FHIT: variants seen among roughly 807,000 people sequenced by gnomAD.
The protein encoded by FHIT is fragile histidine triad diadenosine triphosphatase.
FHIT carries 19 observed loss-of-function variants against 17.9 expected under a neutral mutation model. That is an observed-to-expected ratio of 1.06 (90% CI 0.74 to 1.56). FHIT has a LOEUF of 1.56. FHIT is among the 40% of genes most tolerant of loss of function. FHIT has a pLI of 0.00. For missense variants in FHIT, 248 were observed against 189.2 expected (o/e 1.31, Z -1.82); for synonymous variants, 81 against 69.7 (o/e 1.16, Z -0.81).
intron 3 of FHIT, among the ~76,000 whole-genome samples, chr3:61,035,270 A>G (rs896662261): frequency 1.1e-4 from 16 of 152,322 alleles, no homozygotes; most frequent in Non-Finnish European, 2.1e-4. Context: ...TCACTTTAAA[A>G]TGGATTTTTT....
chr3:61,159,924 G>A (rs770156214), intron 2 of FHIT, among the ~76,000 whole-genome samples: 5 of 152,108 alleles, frequency 3.3e-5, no homozygotes, highest in African/African-American at 9.7e-5. Flanking sequence ...TGTGAGGATC[G>A]GTACCTGAGA....
chr3:60,152,000 T>C (rs938154009), intron 5 of FHIT, among the ~76,000 whole-genome samples: 2 of 152,176 alleles, frequency 1.3e-5, no homozygotes, highest in South Asian at 2.1e-4. Context: ...GCATCAAGCA[T>C]AGAGCCTGGC....
intron 5 of FHIT, among the ~76,000 whole-genome samples, chr3:60,402,805 T>C (rs972902570): frequency 5.9e-5 from 9 of 152,200 alleles, no homozygotes; most frequent in South Asian, 2.1e-4. Context: ...TGTATAGTCA[T>C]TGCTTCAAGA....
At chr3:60,067,699 G>C (rs190231933) in intron 5 of FHIT, among the ~76,000 whole-genome samples, 2 of 152,270 alleles carry the variant, frequency 1.3e-5, no homozygotes, top group Non-Finnish European at 2.9e-5. Flanking sequence ...TAGTCGACAT[G>C]AAGGCTCAAG....
chr3:59,898,438 ATGTTTG>A (rs1388030317), intron 8 of FHIT, among the ~76,000 whole-genome samples: 1 of 136,332 alleles, frequency 7.3e-6, no homozygotes, highest in Non-Finnish European at 1.5e-5. Context: ...GTGCGTGTGT[ATGTTTG>A]TGTGTGTGTG....
At chr3:61,026,464 G>T (rs1297935353) in intron 3 of FHIT, among the ~76,000 whole-genome samples, 2 of 152,150 alleles carry the variant, frequency 1.3e-5, no homozygotes, top group East Asian at 3.9e-4. Context: ...GGCTCAAAGA[G>T]AATACCCACC....
intron 4 of FHIT, among the ~76,000 whole-genome samples, chr3:60,682,686 A>T (rs1003191683): frequency 6.6e-6 from 1 of 152,214 alleles, no homozygotes; most frequent in South Asian, 2.1e-4. Context: ...AAGGAAATGA[A>T]TGTTGTTTTC....
intron 2 of FHIT, among the ~76,000 whole-genome samples, chr3:61,073,743 C>T (rs1314766273): frequency 6.6e-6 from 1 of 152,122 alleles, no homozygotes; most frequent in Non-Finnish European, 1.5e-5. Context: ...GGCCCTATTC[C>T]TATGTGTCAT....
chr3:59,832,168 G>C lies in FHIT; in HGVS notation c.349-79847C>G, dbSNP rs527323764. On this transcript the variant is annotated intron_variant, in intron 8 of 9. Transcript: ENST00000492590. Reference sequence around the variant, plus strand: ...TTCCTGGATTGTACCTTAAGTGGTTGATTGTTGGAGCCACTTCATATCTAT... The same window carrying C: ...TTCCTGGATTGTACCTTAAGTGGTTCATTGTTGGAGCCACTTCATATCTAT... Among the ~76,000 whole-genome samples the C allele has an allele frequency of 4.6e-5, 7 of 152,254 alleles. No homozygotes were observed. The South Asian group carries it at 1.5e-3, about 32-fold the overall frequency.
chr3:60,190,540 G>A (rs1376435833), intron 5 of FHIT, among the ~76,000 whole-genome samples: 1 of 152,030 alleles, frequency 6.6e-6, no homozygotes, highest in African/African-American at 2.4e-5. Context: ...CCTGAGGTCA[G>A]GAGTTTGAGA....
chr3:60,916,095 G>T lies in FHIT; in HGVS notation c.-110-94084C>A, dbSNP rs1706988366. On this transcript the variant is annotated intron_variant, in intron 3 of 9. Coordinates refer to ENST00000492590, the MANE Select transcript of FHIT (RefSeq NM_002012.4). ...TCTGTATAGACCCATTTTTGTGATGGTCTAATTTTATTACAAAGATTATAA... is the reference window on the plus strand; with the variant it reads ...TCTGTATAGACCCATTTTTGTGATGTTCTAATTTTATTACAAAGATTATAA... Among the ~76,000 whole-genome samples, 5 of 152,028 alleles carry T rather than the reference G, an allele frequency of 3.3e-5. No individual in the cohort carries two copies. In the South Asian group the frequency reaches 1.0e-3, roughly 32 times the overall value.
In FHIT at chr3:60,291,582, C is replaced by T. The variant is rs149730213; in HGVS notation, c.103+245278G>A. ...AGCTTGCTTATTTATGTTTTCAGCT[C>T]GATTTTTCAGGCTGCTCTTTGGTAG... On this transcript the variant is annotated intron_variant, in intron 5 of 9. Transcript: ENST00000492590. Among the ~76,000 whole-genome samples, 49 of 152,218 alleles carry T rather than the reference C, an allele frequency of 3.2e-4. No homozygotes were observed. The East Asian group carries it at 6.8e-3, about 21-fold the overall frequency.
chr3:61,036,182 C>T (rs2033228532), intron 3 of FHIT, among the ~76,000 whole-genome samples: 1 of 152,118 alleles, frequency 6.6e-6, no homozygotes, highest in African/African-American at 2.4e-5. Flanking sequence ...GCAGGCACTT[C>T]ACATGGGGAA....
chr3:60,663,976 G>A (rs1391668663), intron 4 of FHIT, among the ~76,000 whole-genome samples: 1 of 152,082 alleles, frequency 6.6e-6, no homozygotes, highest in Non-Finnish European at 1.5e-5. Flanking sequence ...TTTCCAAACT[G>A]CATGCCTTCT....
intron 4 of FHIT, among the ~76,000 whole-genome samples, chr3:60,575,586 G>T (rs1553657309): frequency 7.2e-5 from 11 of 152,090 alleles, no homozygotes. Flanking sequence ...GAATTAAGAA[G>T]ACCACAGTAT....
At chr3:60,156,531 T>C (rs1002443954) in intron 5 of FHIT, among the ~76,000 whole-genome samples, 1 of 152,032 alleles carries the variant, frequency 6.6e-6, no homozygotes, top group African/African-American at 2.4e-5. Flanking sequence ...GAAGAATCAC[T>C]AGAGCCCAGG....
intron 4 of FHIT, among the ~76,000 whole-genome samples, chr3:60,549,808 T>C (rs2036486529): frequency 1.3e-5 from 2 of 152,202 alleles, no homozygotes; most frequent in Non-Finnish European, 2.9e-5. Context: ...GTTAAAAGAA[T>C]AAAACTGTGT....
chr3:60,309,537 A>G (rs1708843499), intron 5 of FHIT, among the ~76,000 whole-genome samples: 1 of 152,184 alleles, frequency 6.6e-6, no homozygotes, highest in Admixed American at 6.5e-5. Context: ...GGTGTGACAG[A>G]GGACTTTTTA....
At chr3:60,590,553 A>C (rs72887637) in intron 4 of FHIT, among the ~76,000 whole-genome samples, 1,609 of 152,270 alleles carry the variant, frequency 0.011, 35 homozygotes, top group African/African-American at 0.037. Flanking sequence ...ATAATATCCA[A>C]AACCATTAAT....
Sources: allele counts gnomAD v4.1 joint callset (sites outside exome capture counted in the v4.1 genomes callset), GRCh38; gene constraint gnomAD v4.1.1; transcripts MANE v1.5; gene names NCBI Gene and HGNC (gene_info 2026-07-23, HGNC 2026-07-21).